Variants in FSD2 observed in about 807,000 individuals in gnomAD.
FSD2 encodes fibronectin type III and SPRY domain-containing protein 2.
FSD2 carries 71 observed loss-of-function variants against 80.4 expected under a neutral mutation model. That is an observed-to-expected ratio of 0.88 (90% CI 0.73 to 1.08). The LOEUF (loss-of-function observed/expected upper bound fraction) is 1.08. Among genes scored for constraint, FSD2 ranks in the 50% least tolerant of loss-of-function variants. The pLI, the probability that FSD2 is intolerant of heterozygous loss-of-function variation, is 0.00. For missense variants in FSD2, 923 were observed against 913.8 expected (o/e 1.01, Z -0.13); for synonymous variants, 361 against 329.5 (o/e 1.10, Z -1.03).
At chr15:82,792,847 G>C (rs866530778) in intron 1 of FSD2, among the ~76,000 whole-genome samples, 2 of 152,070 alleles carry the variant, frequency 1.3e-5, no homozygotes, top group Non-Finnish European at 2.9e-5. Flanking sequence ...ATTTTGCTGA[G>C]GAATTTTGAA....
intron 3 of FSD2, among the ~76,000 whole-genome samples, chr15:82,785,534 G>T (rs1352341433): frequency 6.6e-6 from 1 of 152,092 alleles, no homozygotes; most frequent in Non-Finnish European, 1.5e-5. Context: ...ATGTTGGCCA[G>T]TCTGGTCTCG....
At chr15:82,783,816 G>A (rs1407110810) in intron 3 of FSD2, among the ~76,000 whole-genome samples, 2 of 152,130 alleles carry the variant, frequency 1.3e-5, no homozygotes, top group African/African-American at 4.8e-5. Context: ...TATCAACTAG[G>A]GGAGAAATGA....
chr15:82,786,525 A>T lies in FSD2; in HGVS notation c.721T>A (p.Phe241Ile). The T allele has an allele frequency of 6.2e-7, 1 of 1,613,268 alleles. No individual in the cohort carries two copies. Among genetic ancestry groups the T allele is most frequent in the Non-Finnish European group, 8.5e-7 (1 of 1,179,470 alleles). The change falls in exon 3 of 13, where the codon TTC (phenylalanine) becomes ATC (isoleucine). Residue 241 changes from phenylalanine to isoleucine, a missense_variant. By Grantham distance (21) the Phe-to-Ile change is conservative. Transcript: ENST00000334574. ...TGTGCTCTTACCTCCACAGTGATGA[A>T]AACCTCCTCCAAATGATTTGCAAAG... ...ENFANHLEEV[F>I]ITVEENFGKQ...
At chr15:82,763,852 T>C (rs910366419) in intron 11 of FSD2, among the ~76,000 whole-genome samples, 6 of 152,214 alleles carry the variant, frequency 3.9e-5, no homozygotes, top group Non-Finnish European at 7.3e-5. Context: ...TTTCTCCGAC[T>C]TTCCTGCCTC....
chr15:82,774,874 A>G (rs1413384848), intron 6 of FSD2, among the ~76,000 whole-genome samples: 2 of 151,652 alleles, frequency 1.3e-5, no homozygotes, highest in Admixed American at 1.3e-4. Flanking sequence ...GGCACGTGCC[A>G]CCACAGCCAG....
chr15:82,760,418 C>G (rs1263028406), intron 12 of FSD2, among the ~76,000 whole-genome samples: 1 of 152,118 alleles, frequency 6.6e-6, no homozygotes, highest in African/African-American at 2.4e-5. Context: ...AAATGAAAAC[C>G]TGTCACAGGA....
chr15:82,764,810 A>T (rs1032875819), intron 11 of FSD2, among the ~76,000 whole-genome samples: 1 of 151,786 alleles, frequency 6.6e-6, no homozygotes, highest in Non-Finnish European at 1.5e-5. Flanking sequence ...ATTTTGTCCA[A>T]TTCTTTGTTC....
chr15:82,798,154 C>G (rs911683666), intron 1 of FSD2, among the ~76,000 whole-genome samples: 2 of 151,902 alleles, frequency 1.3e-5, no homozygotes, highest in African/African-American at 4.8e-5. Flanking sequence ...GCCTGGGCAA[C>G]AAAAAGAAAC....
intron 9 of FSD2, among the ~76,000 whole-genome samples, chr15:82,768,048 C>T (rs1268302247): frequency 6.6e-6 from 1 of 152,182 alleles, no homozygotes; most frequent in Non-Finnish European, 1.5e-5. Flanking sequence ...ATAGGTTCTG[C>T]GAGCCCTTGT....
At chr15:82,785,300 ATTATTTATTTATTTATTTAT>A (rs10635621) in intron 3 of FSD2, among the ~76,000 whole-genome samples, 6 of 146,924 alleles carry the variant, frequency 4.1e-5, no homozygotes, top group South Asian at 4.3e-4. Context: ...AAGGCAATAC[ATTATTTATTTATTTATTTAT>A]TTATTTATTT....
chr15:82,771,687 A>G (rs1399409224), intron 7 of FSD2, among the ~76,000 whole-genome samples: 1 of 152,200 alleles, frequency 6.6e-6, no homozygotes, highest in Non-Finnish European at 1.5e-5. Flanking sequence ...TCTGCAGCAC[A>G]AGGCTGCTAT....
chr15:82,780,833 G>A (rs1056935556), intron 4 of FSD2, among the ~76,000 whole-genome samples: 2 of 152,076 alleles, frequency 1.3e-5, no homozygotes, highest in African/African-American at 4.8e-5. Context: ...ATCCCATACC[G>A]TAACAAAACC....
rs1197743569 is a variant in FSD2 at position 82,762,264 on chromosome 15, A to G, written c.1835T>C (p.Met612Thr). ...CCCTCGGACTGGAATTAGATTTCCC[A>G]TGACAGCAACACACCTGGTTTTAGA... The part of the protein sequence containing the change: ...DTHFTRCVAV[M>T]GNLIPVRGHH... The change falls in exon 12 of 13, where the codon ATG (methionine) becomes ACG (threonine). Residue 612 changes from methionine to threonine, a missense_variant. Physicochemically the swap from Met to Thr is moderately conservative, Grantham distance 81 (BLOSUM62 -1). Coordinates refer to ENST00000334574, the MANE Select transcript of FSD2 (RefSeq NM_001007122.4). The G allele has an allele frequency of 2.5e-6, 4 of 1,613,846 alleles. No homozygotes were observed. The highest frequency in any genetic ancestry group is 3.4e-6 in the Non-Finnish European group (4 of 1,179,814).
chr15:82,779,740 C>A (rs1388469672), intron 5 of FSD2, among the ~76,000 whole-genome samples: 1 of 151,470 alleles, frequency 6.6e-6, no homozygotes, highest in Admixed American at 6.6e-5. Context: ...TATGAAATCT[C>A]TATGTTCATG....
chr15:82,796,643 C>G (rs1320407164), intron 1 of FSD2, among the ~76,000 whole-genome samples: 1 of 152,292 alleles, frequency 6.6e-6, no homozygotes, highest in Admixed American at 6.5e-5. Context: ...ATGACTAGTT[C>G]ATTGTCCCAG....
chr15:82,774,420 G>A lies in FSD2; in HGVS notation c.1112-2192C>T, dbSNP rs1364617214. ...GCTACTTGGCACCATGTAATATGTT[G>A]TACATAAGTTTTCTCATTTAATTCT... is the stretch of plus-strand genomic sequence containing the variant. On this transcript the variant is annotated intron_variant, in intron 6 of 12. Transcript: ENST00000334574. 2.0e-5 allele frequency among the ~76,000 whole-genome samples: 3 copies of A among 152,280 alleles called. No individual in the cohort carries two copies. In the East Asian group the frequency reaches 5.8e-4, roughly 29 times the overall value.
At chr15:82,792,087 T>G (rs2050165671) in intron 1 of FSD2, among the ~76,000 whole-genome samples, 1 of 152,262 alleles carries the variant, frequency 6.6e-6, no homozygotes, top group African/African-American at 2.4e-5. Context: ...TGTTTGAATA[T>G]GTTTTCATCT....
chr15:82,765,812 A>G (rs926608246), intron 10 of FSD2, 86 bp downstream of exon 10: 20 of 1,470,698 alleles, frequency 1.4e-5, no homozygotes, highest in Admixed American at 2.2e-5. Flanking sequence ...ATATTCATCA[A>G]TTTCCCAGTG....
At chr15:82,799,805 G>C (rs1464324816) in intron 1 of FSD2, among the ~76,000 whole-genome samples, 1 of 152,190 alleles carries the variant, frequency 6.6e-6, no homozygotes, top group African/African-American at 2.4e-5. Flanking sequence ...AGAAAGTCTA[G>C]AGTGAGGTCT....
Sources: gnomAD v4.1 joint callset for allele counts (sites outside exome capture counted in the v4.1 genomes callset) on GRCh38, gnomAD v4.1.1 for gene constraint, MANE v1.5 for transcripts, NCBI Gene and HGNC (gene_info 2026-07-23, HGNC 2026-07-21) for gene names.